The following RAPGEF4 variants were observed in gnomAD, a reference collection of about 807,000 sequenced individuals.
RAPGEF4 encodes the protein RAP guanine-nucleotide-exchange factor (GEF) 4.
A neutral mutation model predicts 147.9 loss-of-function variants in RAPGEF4; 66 were observed. That is an observed-to-expected ratio of 0.45 (90% CI 0.37 to 0.55). The LOEUF (loss-of-function observed/expected upper bound fraction) is 0.55. Ranked by LOEUF, RAPGEF4 falls within the 20% of genes least tolerant of loss-of-function variation. The pLI is 0.00. For missense variants in RAPGEF4, 1,071 were observed against 1,257.3 expected, an observed-to-expected ratio of 0.85 and a Z score of 2.24; for synonymous variants, 419 against 442.7, an observed-to-expected ratio of 0.95 and a Z score of 0.67.
chr2:172,954,061 A>G (rs914967478), intron 6 of RAPGEF4, among the ~76,000 whole-genome samples: 10 of 152,108 alleles, frequency 6.6e-5, no homozygotes, highest in Admixed American at 6.6e-5. Context: ...CAGAGCCACA[A>G]GGAGACCCTT....
At chr2:172,887,644 A>G (rs1364412069) in intron 4 of RAPGEF4, among the ~76,000 whole-genome samples, 2 of 152,244 alleles carry the variant, frequency 1.3e-5, no homozygotes, top group Non-Finnish European at 2.9e-5. Context: ...ACAAAGCCCA[A>G]GATTTACTCA....
chr2:172,951,559 G>T (rs1575349658), intron 6 of RAPGEF4, among the ~76,000 whole-genome samples: 1 of 152,166 alleles, frequency 6.6e-6, no homozygotes, highest in South Asian at 2.1e-4. Context: ...ATGGGGCAGG[G>T]ATACGATATC....
intron 4 of RAPGEF4, among the ~76,000 whole-genome samples, chr2:172,840,848 G>A (rs1040834612): frequency 3.9e-4 from 59 of 152,190 alleles, no homozygotes; most frequent in African/African-American, 1.4e-3. Context: ...AGCAGAAACA[G>A]GTCCAGAGAG....
At position 173,051,765 on chromosome 2, in the gene RAPGEF4, T is replaced by C; in HGVS notation, c.3034T>C (p.Ter1012GlnextTer25). The C allele has an allele frequency of 1.2e-6, 2 of 1,613,590 alleles. No individual in the cohort carries two copies. Among genetic ancestry groups the C allele is most frequent in the Non-Finnish European group, 1.7e-6 (2 of 1,179,702 alleles). ...ACACAGATTAGAGCCTCGTCGACCA[T>C]AGACATTTCAAATGCCCAAAGCAAC... ...MSHRLEPRRP[*>Q] is the part of the protein sequence containing the mutation. Residue 1012 changes from the stop codon to glutamine, a stop_lost, in exon 31 of 31, where the codon TAG becomes CAG. Transcript: ENST00000397081.
At chr2:172,829,360 T>C (rs1393277429) in intron 4 of RAPGEF4, among the ~76,000 whole-genome samples, 1 of 152,170 alleles carries the variant, frequency 6.6e-6, no homozygotes, top group Non-Finnish European at 1.5e-5. Context: ...ATGTGTGTGT[T>C]ACCCTGGCAC....
chr2:172,736,608 G>A (rs952542273), intron 1 of RAPGEF4, among the ~76,000 whole-genome samples: 1 of 152,212 alleles, frequency 6.6e-6, no homozygotes, highest in Non-Finnish European at 1.5e-5. Flanking sequence ...TTGGGAGGCT[G>A]CTTTCGTCTT....
At chr2:172,770,540 T>G (rs1697253494) in intron 1 of RAPGEF4, among the ~76,000 whole-genome samples, 1 of 152,244 alleles carries the variant, frequency 6.6e-6, no homozygotes, top group African/African-American at 2.4e-5. Flanking sequence ...TCCCAAAACA[T>G]AGTGCTTGCT....
At chr2:172,755,675 C>T (rs906527318) in intron 1 of RAPGEF4, among the ~76,000 whole-genome samples, 7 of 152,160 alleles carry the variant, frequency 4.6e-5, no homozygotes, top group Non-Finnish European at 8.8e-5. Context: ...GGATTACAGG[C>T]GTGAGCTACT....
At chr2:172,949,245 G>T (rs371728118) in intron 6 of RAPGEF4, among the ~76,000 whole-genome samples, 4 of 152,138 alleles carry the variant, frequency 2.6e-5, no homozygotes, top group South Asian at 4.1e-4. Context: ...TGAACAATCT[G>T]TATGCACAAA....
At chr2:172,998,989 A>T (rs1448228421) in intron 16 of RAPGEF4, among the ~76,000 whole-genome samples, 1 of 152,202 alleles carries the variant, frequency 6.6e-6, no homozygotes, top group Non-Finnish European at 1.5e-5. Context: ...AGATTGGATT[A>T]TTGCTGCTGC....
chr2:172,951,095 T>A (rs1688168138), intron 6 of RAPGEF4, among the ~76,000 whole-genome samples: 1 of 152,238 alleles, frequency 6.6e-6, no homozygotes, highest in South Asian at 2.1e-4. Flanking sequence ...AAGCACTGAT[T>A]TTGTGCATCA....
intron 14 of RAPGEF4, 37 bp downstream of exon 14, chr2:172,988,876 A>AT (rs551742809): frequency 6.3e-6 from 10 of 1,596,836 alleles, no homozygotes; most frequent in African/African-American, 5.4e-5. Context: ...GAGACAGCCC[A>AT]TTTTTTTCTT....
At position 173,014,594 on chromosome 2, in the gene RAPGEF4, G is replaced by C. The variant is rs760538481; in HGVS notation, c.1789G>C (p.Val597Leu). The C allele has an allele frequency of 1.1e-5, 17 of 1,613,898 alleles. No homozygotes were observed. The highest frequency in any genetic ancestry group is 2.2e-5 in the East Asian group (1 of 44,872). Residue 597 changes from valine (V) to leucine (L), a missense_variant, in exon 18 of 31, where the codon GTG becomes CTG. Coordinates refer to ENST00000397081, the MANE Select transcript of RAPGEF4 (RefSeq NM_007023.4). ...TGGAGACCTCCTGCAAGAGGATGAC[G>C]TGTCTATGGCCTTCCTGGAGGTAGG... ...MYGDLLQEDD[V>L]SMAFLEEFYV...
chr2:172,959,197 C>G (rs1689038650), intron 6 of RAPGEF4, among the ~76,000 whole-genome samples: 1 of 152,228 alleles, frequency 6.6e-6, no homozygotes, highest in African/African-American at 2.4e-5. Flanking sequence ...ATGGGTCTCA[C>G]TGGGCTCACA....
At chr2:173,015,847 T>C (rs549763232) in intron 18 of RAPGEF4, among the ~76,000 whole-genome samples, 2 of 152,206 alleles carry the variant, frequency 1.3e-5, no homozygotes, top group African/African-American at 4.8e-5. Context: ...CCAGAATGAG[T>C]GACACCTAGT....
chr2:172,828,278 G>A (rs543280458), intron 4 of RAPGEF4, among the ~76,000 whole-genome samples: 13 of 152,256 alleles, frequency 8.5e-5, no homozygotes, highest in Admixed American at 2.0e-4. Context: ...CGTCGCATTC[G>A]TAAGGCCGAC....
At chr2:173,014,439 A>C in intron 17 of RAPGEF4, 25 bp from the exon 18 acceptor site, 2 of 1,613,158 alleles carry the variant, frequency 1.2e-6, no homozygotes, top group Non-Finnish European at 1.7e-6. Flanking sequence ...GAAATGGCTC[A>C]ATTTCTTCCT....
At chr2:172,798,478 TG>T (rs1199121663) in intron 3 of RAPGEF4, among the ~76,000 whole-genome samples, 2 of 151,972 alleles carry the variant, frequency 1.3e-5, no homozygotes, top group Non-Finnish European at 2.9e-5. Flanking sequence ...ACTATGAAAA[TG>T]TTCCAAGTCT....
chr2:172,947,944 C>T (rs992806447), intron 6 of RAPGEF4, among the ~76,000 whole-genome samples: 3 of 152,186 alleles, frequency 2.0e-5, no homozygotes, highest in Non-Finnish European at 4.4e-5. Context: ...CAGAAGCCTA[C>T]CTCATGTTTC....
Sources: allele counts gnomAD v4.1 joint callset (sites outside exome capture counted in the v4.1 genomes callset), GRCh38; gene constraint gnomAD v4.1.1; transcripts MANE v1.5; gene names NCBI Gene and HGNC (gene_info 2026-07-23, HGNC 2026-07-21).